MGAT4C: variants seen among roughly 807,000 people sequenced by gnomAD.
The protein encoded by MGAT4C is MGAT4 family member C, also known as alpha-1,3-mannosyl-glycoprotein 4-beta-N-acetylglucosaminyltransferase C.
In MGAT4C, 19 loss-of-function variants were observed where a neutral mutation model predicts 40.1. That is an observed-to-expected ratio of 0.47 (90% confidence interval 0.33 to 0.70). The LOEUF is 0.70. Ranked by LOEUF, MGAT4C falls within the 30% of genes least tolerant of loss-of-function variation. The probability of loss-of-function intolerance (pLI) is 0.02; values close to 1 mark genes in which losing one functional copy is unlikely to be tolerated. For synonymous variants in MGAT4C, 181 were observed against 187.1 expected, an observed-to-expected ratio of 0.97 and a Z score of 0.27; for missense variants, 491 against 563.2, an observed-to-expected ratio of 0.87 and a Z score of 1.30.
chr12:86,297,412 A>C (rs1371643150), intron 4 of MGAT4C, among the ~76,000 whole-genome samples: 2 of 152,218 alleles, frequency 1.3e-5, no homozygotes, highest in African/African-American at 4.8e-5. Flanking sequence ...AAATGTTACT[A>C]AAAGAAAAAA....
chr12:86,203,608 C>T (rs763783955), intron 1 of MGAT4C, among the ~76,000 whole-genome samples: 3 of 152,062 alleles, frequency 2.0e-5, no homozygotes, highest in Non-Finnish European at 4.4e-5. Flanking sequence ...AGACAAAATG[C>T]CAGATTGAAT....
At chr12:86,237,497 T>C (rs1951604401) in intron 1 of MGAT4C, among the ~76,000 whole-genome samples, 1 of 151,896 alleles carries the variant, frequency 6.6e-6, no homozygotes. Flanking sequence ...ATAAGCAAGA[T>C]CTTATTCATA....
intron 1 of MGAT4C, among the ~76,000 whole-genome samples, chr12:86,219,345 GA>G (rs1324217996): frequency 7.6e-6 from 1 of 131,784 alleles, no homozygotes; most frequent in Non-Finnish European, 1.6e-5. Context: ...AATATGTTAT[GA>G]AAAAATGATG....
At chr12:86,357,561 A>C (rs1955344800) in intron 3 of MGAT4C, among the ~76,000 whole-genome samples, 1 of 152,028 alleles carries the variant, frequency 6.6e-6, no homozygotes, top group African/African-American at 2.4e-5. Flanking sequence ...AACCCATCGC[A>C]AAGAAGCTAA....
At chr12:86,815,233 A>G (rs1952576695) in intron 1 of MGAT4C, among the ~76,000 whole-genome samples, 1 of 152,128 alleles carries the variant, frequency 6.6e-6, no homozygotes, top group Admixed American at 6.6e-5. Context: ...TTGCCAACAA[A>G]CATATGAAAA....
intron 2 of MGAT4C, among the ~76,000 whole-genome samples, chr12:86,599,837 A>G (rs901807003): frequency 2.0e-5 from 3 of 152,196 alleles, no homozygotes; most frequent in African/African-American, 7.2e-5. Flanking sequence ...TGTCTACTAT[A>G]GTTATTTATT....
intron 2 of MGAT4C, among the ~76,000 whole-genome samples, chr12:86,528,814 C>T (rs1958928514): frequency 6.6e-6 from 1 of 151,882 alleles, no homozygotes; most frequent in Non-Finnish European, 1.5e-5. Context: ...TTCCTTTCTT[C>T]TGACTGATAA....
At chr12:86,255,419 C>A (rs1019936693) in intron 1 of MGAT4C, among the ~76,000 whole-genome samples, 2 of 152,114 alleles carry the variant, frequency 1.3e-5, no homozygotes, top group South Asian at 2.1e-4. Flanking sequence ...ATCACCTATC[C>A]ATAGCAGTTC....
intron 1 of MGAT4C, among the ~76,000 whole-genome samples, chr12:86,230,836 T>C (rs142699711): frequency 2.1e-3 from 320 of 151,970 alleles, no homozygotes; most frequent in African/African-American, 7.4e-3. Flanking sequence ...TCTGGAAATT[T>C]GACCTTTAAC....
At chr12:86,731,458 T>G (rs1291595187) in intron 1 of MGAT4C, among the ~76,000 whole-genome samples, 1 of 152,124 alleles carries the variant, frequency 6.6e-6, no homozygotes, top group African/African-American at 2.4e-5. Flanking sequence ...TTTTTCAAAA[T>G]CAAGCCATTC....
At chr12:86,065,885 A>C (rs780588934) in intron 1 of MGAT4C, among the ~76,000 whole-genome samples, 24 of 152,230 alleles carry the variant, frequency 1.6e-4, no homozygotes, top group Non-Finnish European at 3.2e-4. Context: ...GTCAATGTGC[A>C]AAAATTACAA....
chr12:86,112,321 C>G (rs190940124), intron 1 of MGAT4C, among the ~76,000 whole-genome samples: 43 of 151,596 alleles, frequency 2.8e-4, no homozygotes, highest in Admixed American at 6.6e-4. Flanking sequence ...TCCCCCCCAC[C>G]CTTTTTTTTG....
At chr12:86,548,372 T>C (rs1371683171) in intron 2 of MGAT4C, among the ~76,000 whole-genome samples, 1 of 152,124 alleles carries the variant, frequency 6.6e-6, no homozygotes, top group Non-Finnish European at 1.5e-5. Flanking sequence ...AAGGTTAATT[T>C]ATTTAATATA....
chr12:86,675,222 T>C (rs192134093), intron 2 of MGAT4C, among the ~76,000 whole-genome samples: 5 of 152,290 alleles, frequency 3.3e-5, no homozygotes, highest in Admixed American at 3.3e-4. Flanking sequence ...TGGAAACTGA[T>C]TTTTGGTCCC....
chr12:86,501,419 G>A (rs1403232048), intron 2 of MGAT4C, among the ~76,000 whole-genome samples: 1 of 151,972 alleles, frequency 6.6e-6, no homozygotes, highest in Non-Finnish European at 1.5e-5. Context: ...GGTGGTTGCT[G>A]TACCTATCAA....
chr12:86,118,485 T>A (rs1199164795), intron 1 of MGAT4C, among the ~76,000 whole-genome samples: 1 of 152,164 alleles, frequency 6.6e-6, no homozygotes. Context: ...AGCCAATCCT[T>A]ATCCTTGACT....
intron 2 of MGAT4C, among the ~76,000 whole-genome samples, chr12:86,630,546 T>C (rs1281493606): frequency 2.0e-5 from 3 of 152,158 alleles, no homozygotes; most frequent in African/African-American, 7.2e-5. Context: ...TCAAAAAGCT[T>C]ATCCACCAAG....
chr12:86,344,762 GTGTGTGTGTGTGTA>G (rs1199545102), intron 3 of MGAT4C, among the ~76,000 whole-genome samples: 80 of 146,846 alleles, frequency 5.4e-4, no homozygotes, highest in African/African-American at 2.0e-3. Context: ...GTGTATGTGT[GTGTGTGTGTGTGTA>G]GCGGCAAGAG....
At chr12:86,459,871 AT>A (rs1434216575) in intron 2 of MGAT4C, among the ~76,000 whole-genome samples, 21 of 151,860 alleles carry the variant, frequency 1.4e-4, no homozygotes, top group African/African-American at 4.1e-4. Context: ...GCCTAAAGGG[AT>A]TAATAATTTC....
Sources: allele counts gnomAD v4.1 joint callset (sites outside exome capture counted in the v4.1 genomes callset), GRCh38; gene constraint gnomAD v4.1.1; transcripts MANE v1.5; gene names NCBI Gene and HGNC (gene_info 2026-07-23, HGNC 2026-07-21).